The following IDE variants were observed in gnomAD, a reference collection of about 807,000 sequenced individuals.
The protein encoded by IDE is insulin degrading enzyme.
A neutral mutation model predicts 133.2 loss-of-function variants in IDE; 58 were observed. The observed-to-expected ratio is 0.44, with a 90% CI of 0.35 to 0.54. The LOEUF (loss-of-function observed/expected upper bound fraction) is 0.54. Among genes scored for constraint, IDE ranks in the 20% least tolerant of loss-of-function variants. The pLI is 0.00. For synonymous variants in IDE, 396 were observed against 421.3 expected (o/e 0.94, Z 0.73); for missense variants, 981 against 1,234.0 (o/e 0.79, Z 3.07).
Position 92,459,349 on chromosome 10 carries a change from T to C in IDE, c.2823+1842A>G, listed in dbSNP as rs139186927. On this transcript the variant is annotated intron_variant, in intron 22 of 24. Coordinates refer to ENST00000265986, the MANE Select transcript of IDE (RefSeq NM_004969.4). ...TTAGAAACCCTAGTACAGGAGAAAA[T>C]GTGATCAAGCCTCATTGTACCACTA... is the stretch of plus-strand genomic sequence containing the variant. Among the ~76,000 whole-genome samples the C allele has an allele frequency of 2.8e-3, 422 of 152,218 alleles. 1 individual carries two copies. The highest frequency in any genetic ancestry group is 5.3e-3 in the Admixed American group (81 of 15,290).
intron 1 of IDE, among the ~76,000 whole-genome samples, chr10:92,560,927 G>C (rs1193175453): frequency 6.6e-6 from 1 of 152,074 alleles, no homozygotes; most frequent in Middle Eastern, 3.4e-3. Context: ...TCCTCACCTG[G>C]GTTCTAGACA....
chr10:92,572,936 T>C (rs1009991794), intron 1 of IDE: 4 of 985,320 alleles, frequency 4.1e-6, no homozygotes, highest in Middle Eastern at 1.0e-3. Flanking sequence ...TCAATTCCCG[T>C]GGCATCCCAA....
chr10:92,538,056 T>C (rs904948407), intron 1 of IDE, among the ~76,000 whole-genome samples: 1 of 152,070 alleles, frequency 6.6e-6, no homozygotes, highest in Non-Finnish European at 1.5e-5. Flanking sequence ...GCATTTTTTG[T>C]AGAGATGGGA....
intron 11 of IDE, among the ~76,000 whole-genome samples, chr10:92,504,163 T>C (rs1373194174): frequency 1.3e-5 from 2 of 152,084 alleles, no homozygotes; most frequent in Non-Finnish European, 2.9e-5. Context: ...AAATTAAAAA[T>C]GTAAAACATG....
chr10:92,498,584 CA>C (rs200659571), intron 11 of IDE, among the ~76,000 whole-genome samples: 2,937 of 152,196 alleles, frequency 0.019, 44 homozygotes, highest in Admixed American at 0.052. Context: ...AGCAAAACCC[CA>C]TCTCTACTAA....
At chr10:92,523,728 C>G (rs965700195) in intron 4 of IDE, among the ~76,000 whole-genome samples, 12 of 150,504 alleles carry the variant, frequency 8.0e-5, no homozygotes, top group African/African-American at 2.9e-4. Context: ...AAAAGTCACG[C>G]ACACCTAAAA....
intron 21 of IDE, among the ~76,000 whole-genome samples, chr10:92,461,647 C>T (rs981019283): frequency 5.3e-5 from 8 of 151,922 alleles, no homozygotes; most frequent in East Asian, 3.9e-4. Context: ...TGAGCCATCG[C>T]GTCTGGCCAA....
At chr10:92,559,599 A>G (rs1174931078) in intron 1 of IDE, among the ~76,000 whole-genome samples, 3 of 152,204 alleles carry the variant, frequency 2.0e-5, no homozygotes, top group Non-Finnish European at 4.4e-5. Context: ...AGTGGCTGCC[A>G]TGGGCTCAGG....
rs1322858772 is a variant in IDE at position 92,572,764 on chromosome 10, C to A, written c.98+1158G>T. 3 of 396,654 alleles carry A rather than the reference C, an allele frequency of 7.6e-6. No individual in the cohort carries two copies. The Admixed American group carries it at 1.9e-4, about 25-fold the overall frequency. 24.6% of individuals were successfully genotyped at this position (396,654 alleles called of 1,614,324 possible). A position where few individuals can be genotyped will look rare whatever the true frequency, so the allele number is the denominator to read the frequency against. On this transcript the variant is annotated intron_variant, in intron 1 of 24. Coordinates refer to ENST00000265986, the MANE Select transcript of IDE (RefSeq NM_004969.4). ...ACTAATCGGCTCACTGCTCCCCCAA[C>A]ACAAACTGCCCGCATATCTAGGCTG...
intron 4 of IDE, among the ~76,000 whole-genome samples, chr10:92,517,270 C>T (rs1382564589): frequency 6.6e-6 from 1 of 152,220 alleles, no homozygotes; most frequent in Non-Finnish European, 1.5e-5. Flanking sequence ...GAATGCTTAA[C>T]AGATCCAGTG....
At chr10:92,554,272 G>A (rs992600998) in intron 1 of IDE, among the ~76,000 whole-genome samples, 7 of 152,202 alleles carry the variant, frequency 4.6e-5, no homozygotes, top group Admixed American at 6.5e-5. Flanking sequence ...GCAGAAAAAA[G>A]GCTAAGTATA....
At chr10:92,463,512 C>T (rs73323668) in intron 21 of IDE, among the ~76,000 whole-genome samples, 198 of 151,396 alleles carry the variant, frequency 1.3e-3, no homozygotes, top group African/African-American at 4.1e-3. Flanking sequence ...TGGGTAGATC[C>T]AGGTCTAGGT....
rs1485975332 is a variant in IDE at position 92,560,619 on chromosome 10, C to T, written c.98+13303G>A. 2.6e-5 allele frequency among the ~76,000 whole-genome samples: 4 copies of T among 151,988 alleles called. 1 individual carries two copies. Among genetic ancestry groups the T allele is most frequent in the Middle Eastern group, 6.8e-3 (2 of 292 alleles). ...TCAACAAGGGGAAACCTCGTCTCTA[C>T]TAAAAATACAAAAATTAGCCAGGCA... is the stretch of plus-strand genomic sequence containing the variant. On this transcript the variant is annotated intron_variant, in intron 1 of 24. Transcript: ENST00000265986.
intron 20 of IDE, 137 bp from the exon 21 acceptor site, chr10:92,464,140 A>T: frequency 1.2e-6 from 1 of 816,052 alleles, no homozygotes; most frequent in African/African-American, 1.7e-5. Context: ...AAGAAATATG[A>T]GCACTTAAGA....
intron 4 of IDE, among the ~76,000 whole-genome samples, chr10:92,524,461 T>TA (rs1564648153): frequency 1.7e-5 from 1 of 59,064 alleles, no homozygotes; most frequent in Non-Finnish European, 3.0e-5. Context: ...ATATTATATA[T>TA]TTTATATAAT....
At chr10:92,557,874 CAA>C (rs3051565) in intron 1 of IDE, among the ~76,000 whole-genome samples, 7 of 108,336 alleles carry the variant, frequency 6.5e-5, no homozygotes, top group Non-Finnish European at 1.1e-4. Context: ...GATTCCACCT[CAA>C]AAAAAAAAAA....
chr10:92,569,490 C>A (rs1843692089), intron 1 of IDE, among the ~76,000 whole-genome samples: 1 of 152,242 alleles, frequency 6.6e-6, no homozygotes, highest in African/African-American at 2.4e-5. Context: ...TGATCATGGC[C>A]TGAACTAGGA....
chr10:92,462,889 T>C (rs1845472679), intron 21 of IDE, among the ~76,000 whole-genome samples: 1 of 151,950 alleles, frequency 6.6e-6, no homozygotes, highest in Admixed American at 6.6e-5. Context: ...TAATAGTGAA[T>C]CCAACTGCTA....
intron 15 of IDE, chr10:92,478,672 G>A (rs749884376): frequency 4.7e-6 from 6 of 1,263,362 alleles, no homozygotes; most frequent in Non-Finnish European, 6.2e-6. Context: ...CTGATGCAAT[G>A]CCATAGCTCA....
Sources: allele counts gnomAD v4.1 joint callset (sites outside exome capture counted in the v4.1 genomes callset), GRCh38; gene constraint gnomAD v4.1.1; transcripts MANE v1.5; gene names NCBI Gene and HGNC (gene_info 2026-07-23, HGNC 2026-07-21).